RIDA: variants seen among roughly 807,000 people sequenced by gnomAD.
The protein encoded by RIDA is reactive intermediate imine deaminase A.
A neutral mutation model predicts 17.8 loss-of-function variants in RIDA; 17 were observed. The observed-to-expected ratio is 0.96, with a 90% CI of 0.65 to 1.43. The LOEUF is 1.43. RIDA is among the 40% of genes most tolerant of loss of function. The pLI, the probability that RIDA is intolerant of heterozygous loss-of-function variation, is 0.00. For missense variants in RIDA, 158 were observed against 161.7 expected (o/e 0.98, Z 0.12); for synonymous variants, 48 against 55.7 (o/e 0.86, Z 0.62).
intron 5 of RIDA, among the ~76,000 whole-genome samples, chr8:98,104,082 CTTTT>C (rs539041035): frequency 1.6e-5 from 2 of 127,972 alleles, no homozygotes; most frequent in African/African-American, 5.8e-5. Context: ...TATTTCTTTT[CTTTT>C]TTTTTTTTTT....
chr8:98,112,215 C>G (rs963985101), intron 1 of RIDA, among the ~76,000 whole-genome samples: 1 of 151,866 alleles, frequency 6.6e-6, no homozygotes, highest in African/African-American at 2.4e-5. Flanking sequence ...CACACACACA[C>G]ACACACACTT....
chr8:98,115,689 C>A (rs1815804532), intron 1 of RIDA, among the ~76,000 whole-genome samples: 1 of 152,012 alleles, frequency 6.6e-6, no homozygotes, highest in South Asian at 2.1e-4. Flanking sequence ...CAGTACCCGG[C>A]TAAAGAAACA....
intron 4 of RIDA, among the ~76,000 whole-genome samples, chr8:98,105,533 T>G (rs1815621353): frequency 6.6e-6 from 1 of 152,168 alleles, no homozygotes; most frequent in Non-Finnish European, 1.5e-5. Context: ...ATTTTGCATA[T>G]GAGAAAACCA....
Position 98,107,646 on chromosome 8 carries a change from G to A in RIDA, c.171+1000C>T, listed in dbSNP as rs187976179. On this transcript the variant is annotated intron_variant, in intron 2 of 5. Transcript: ENST00000254878. Reference sequence around the variant, plus strand: ...AGTGTCTTGCTCTGTGTCCCAGGCAGGAGTGCAGTGGCACGATCTTGGCTT... The same window carrying A: ...AGTGTCTTGCTCTGTGTCCCAGGCAAGAGTGCAGTGGCACGATCTTGGCTT... 6.2e-4 allele frequency among the ~76,000 whole-genome samples: 94 copies of A among 152,250 alleles called. 1 individual carries two copies. In the East Asian group the frequency reaches 0.016, roughly 27 times the overall value.
Position 98,102,635 on chromosome 8 carries a change from A to G in RIDA, c.*207T>C. The G allele has an allele frequency of 2.3e-6, 1 of 438,960 alleles. No homozygotes were observed. Among genetic ancestry groups the G allele is most frequent in the South Asian group, 5.2e-5 (1 of 19,162 alleles). The allele number at this position is 438,960 out of a possible 1,614,324, so 27.2% of individuals were successfully genotyped here. The stretch of plus-strand genomic sequence containing the variant: ...TATATTCAGTAATACAGGTGCACAC[A>G]GGTGTAATTTAAAAAAGTAACTGGA... On this transcript the variant is annotated 3_prime_UTR_variant, in exon 6 of 6. Coordinates refer to ENST00000254878, the MANE Select transcript of RIDA (RefSeq NM_005836.3).
At chr8:98,115,330 G>A (rs961673119) in intron 1 of RIDA, among the ~76,000 whole-genome samples, 1 of 142,676 alleles carries the variant, frequency 7.0e-6, no homozygotes, top group Non-Finnish European at 1.5e-5. Context: ...GGAGGTTGCA[G>A]TGAGCTGAGA....
intron 1 of RIDA, among the ~76,000 whole-genome samples, chr8:98,109,748 A>G (rs1815692975): frequency 6.6e-6 from 1 of 152,102 alleles, no homozygotes; most frequent in Non-Finnish European, 1.5e-5. Flanking sequence ...GGTGTGCACC[A>G]CCATGCCTGG....
At chr8:98,109,564 TA>T (rs1815688862) in intron 1 of RIDA, among the ~76,000 whole-genome samples, 2 of 152,062 alleles carry the variant, frequency 1.3e-5, no homozygotes, top group African/African-American at 4.8e-5. Context: ...GCAGTTTCTT[TA>T]AAAATTTAAA....
Position 98,104,564 on chromosome 8 carries a change from ATT to A in RIDA, c.296-22_296-21del. ...TGAAATCTGAATTTAAAAGAATTTC[ATT>A]TTTTTAATAGAGAAGAGTTGAAAAA... On this transcript the variant is annotated intron_variant, in intron 4 of 5. Coordinates refer to ENST00000254878, the MANE Select transcript of RIDA (RefSeq NM_005836.3). The A allele has an allele frequency of 1.4e-6, 2 of 1,414,518 alleles. No individual in the cohort carries two copies. The highest frequency in any genetic ancestry group is 2.0e-6 in the Non-Finnish European group (2 of 1,006,168). 87.6% of individuals were successfully genotyped at this position (1,414,518 alleles called of 1,614,324 possible).
intron 1 of RIDA, among the ~76,000 whole-genome samples, chr8:98,114,478 C>T (rs1369360748): frequency 1.4e-5 from 2 of 147,268 alleles, no homozygotes; most frequent in African/African-American, 5.0e-5. Context: ...GCATACGCCA[C>T]TATACCCAGC....
At chr8:98,113,678 C>T (rs2447504) in intron 1 of RIDA, 69,378 of 151,950 alleles carry the variant, frequency 0.46, 16,081 homozygotes, top group Admixed American at 0.51. Flanking sequence ...GCTTTCTTTC[C>T]TGAACAAAGT....
intron 1 of RIDA, 31 bp from the exon 2 acceptor site, chr8:98,108,782 G>T: frequency 7.2e-7 from 1 of 1,390,768 alleles, no homozygotes; most frequent in Non-Finnish European, 1.0e-6. Context: ...GTGTATTTAT[G>T]TAAGTATAAA....
intron 1 of RIDA, 152 bp from the exon 2 acceptor site, chr8:98,108,903 C>G: frequency 1.8e-6 from 1 of 550,730 alleles, no homozygotes; most frequent in Non-Finnish European, 3.2e-6. Flanking sequence ...TTTTGTTTAT[C>G]AAAGATATCT....
chr8:98,108,122 C>T (rs995409937), intron 2 of RIDA, among the ~76,000 whole-genome samples: 2 of 151,800 alleles, frequency 1.3e-5, no homozygotes, highest in Non-Finnish European at 2.9e-5. Flanking sequence ...ACCATGTTGT[C>T]TAGGCTAGTC....
chr8:98,110,762 C>G (rs1182619434), intron 1 of RIDA, among the ~76,000 whole-genome samples: 1 of 152,210 alleles, frequency 6.6e-6, no homozygotes, highest in Non-Finnish European at 1.5e-5. Context: ...CAAACCTCAT[C>G]TGGAATTGTA....
At chr8:98,113,377 A>G (rs1211912193) in intron 1 of RIDA, among the ~76,000 whole-genome samples, 1 of 152,196 alleles carries the variant, frequency 6.6e-6, no homozygotes. Flanking sequence ...CCACGCACAA[A>G]AACTCTTGTT....
chr8:98,106,867 C>T (rs1355680798), intron 2 of RIDA, among the ~76,000 whole-genome samples: 1 of 152,100 alleles, frequency 6.6e-6, no homozygotes, highest in African/African-American at 2.4e-5. Flanking sequence ...TTAAAATAAT[C>T]TTCTAAATAG....
At chr8:98,116,643 G>A (rs59623053) in intron 1 of RIDA, among the ~76,000 whole-genome samples, 46,355 of 151,188 alleles carry the variant, frequency 0.31, 7,834 homozygotes, top group South Asian at 0.41. Flanking sequence ...AACTCTGTGA[G>A]TATGGTCAAA....
At chr8:98,109,850 C>CTT (rs1815693967) in intron 1 of RIDA, among the ~76,000 whole-genome samples, 1 of 152,194 alleles carries the variant, frequency 6.6e-6, no homozygotes, top group Non-Finnish European at 1.5e-5. Flanking sequence ...CTCCTGGACT[C>CTT]AAGTGATCCT....
Sources: gnomAD v4.1 joint callset for allele counts (sites outside exome capture counted in the v4.1 genomes callset) on GRCh38, gnomAD v4.1.1 for gene constraint, MANE v1.5 for transcripts, NCBI Gene and HGNC (gene_info 2026-07-23, HGNC 2026-07-21) for gene names.